The following PKNOX2 variants were observed in gnomAD, a reference collection of about 807,000 sequenced individuals.
PKNOX2 encodes homeobox protein PKNOX2.
A neutral mutation model predicts 53.1 loss-of-function variants in PKNOX2; 14 were observed. That is an observed-to-expected ratio of 0.26 (90% CI 0.17 to 0.41). The LOEUF is 0.41. PKNOX2 is among the 10% of genes least tolerant of loss of function. The probability of loss-of-function intolerance (pLI) is 1.00; values close to 1 mark genes in which losing one functional copy is unlikely to be tolerated. For missense variants in PKNOX2, 496 were observed against 602.8 expected (o/e 0.82, Z 1.85); for synonymous variants, 257 against 242.8 (o/e 1.06, Z -0.54).
intron 2 of PKNOX2, among the ~76,000 whole-genome samples, chr11:125,283,976 G>C (rs1394184056): frequency 6.6e-6 from 1 of 152,206 alleles, no homozygotes; most frequent in Non-Finnish European, 1.5e-5. Context: ...AAGATCATTG[G>C]TTCTGAGAGT....
intron 3 of PKNOX2, among the ~76,000 whole-genome samples, chr11:125,344,054 G>A (rs903681256): frequency 1.3e-5 from 2 of 152,152 alleles, no homozygotes; most frequent in Non-Finnish European, 1.5e-5. Context: ...TGGACCCAGT[G>A]CTGGGGCCTG....
intron 10 of PKNOX2, among the ~76,000 whole-genome samples, chr11:125,417,628 C>G (rs11821849): frequency 0.022 from 3,368 of 152,138 alleles, 87 homozygotes; most frequent in African/African-American, 0.037. Context: ...TCTTACCCAC[C>G]ACTTTGACCC....
intron 7 of PKNOX2, among the ~76,000 whole-genome samples, chr11:125,404,596 C>G (rs78170208): frequency 1.3e-5 from 2 of 151,914 alleles, no homozygotes; most frequent in African/African-American, 4.8e-5. Flanking sequence ...GGCACATTTG[C>G]GCGGGCACAC....
intron 1 of PKNOX2, among the ~76,000 whole-genome samples, chr11:125,179,295 A>G (rs1026123011): frequency 6.6e-6 from 1 of 152,210 alleles, no homozygotes; most frequent in African/African-American, 2.4e-5. Context: ...TTTAAAAATC[A>G]CACGAATAAA....
intron 2 of PKNOX2, among the ~76,000 whole-genome samples, chr11:125,260,672 C>T (rs766561366): frequency 5.4e-4 from 82 of 152,272 alleles, no homozygotes; most frequent in African/African-American, 1.7e-3. Flanking sequence ...TGCAGGCTTT[C>T]GTGAGTTGCA....
intron 1 of PKNOX2, among the ~76,000 whole-genome samples, chr11:125,211,004 G>A (rs745754537): frequency 6.6e-6 from 1 of 152,148 alleles, no homozygotes; most frequent in African/African-American, 2.4e-5. Context: ...TTGAACGAAG[G>A]TTGTGTATGG....
chr11:125,428,974 T>C, intron 10 of PKNOX2, 38 bp from the exon 11 acceptor site: 1 of 1,565,094 alleles, frequency 6.4e-7, no homozygotes, highest in East Asian at 2.2e-5. Flanking sequence ...CAGATCAGCA[T>C]ATGCCCAGCC....
chr11:125,245,647 C>T (rs989377341), intron 2 of PKNOX2, among the ~76,000 whole-genome samples: 5 of 152,206 alleles, frequency 3.3e-5, no homozygotes, highest in Non-Finnish European at 5.9e-5. Context: ...TTCTGGGGAC[C>T]TATGATGGGT....
chr11:125,261,567 C>G (rs1273121079), intron 2 of PKNOX2, among the ~76,000 whole-genome samples: 1 of 152,238 alleles, frequency 6.6e-6, no homozygotes, highest in Non-Finnish European at 1.5e-5. Context: ...CACCACCACA[C>G]TCCCAGTGGT....
chr11:125,176,533 G>A (rs931744070), intron 1 of PKNOX2, among the ~76,000 whole-genome samples: 2 of 152,182 alleles, frequency 1.3e-5, no homozygotes, highest in African/African-American at 2.4e-5. Context: ...TACTGTGGGG[G>A]TCTGGGAGGA....
intron 1 of PKNOX2, among the ~76,000 whole-genome samples, chr11:125,199,119 G>A (rs1319193572): frequency 3.3e-5 from 5 of 152,132 alleles, no homozygotes; most frequent in African/African-American, 1.2e-4. Context: ...GGGATTCCTG[G>A]CTTGAGCCCC....
At chr11:125,263,464 GGC>G (rs1330574124) in intron 2 of PKNOX2, among the ~76,000 whole-genome samples, 1 of 152,224 alleles carries the variant, frequency 6.6e-6, no homozygotes, top group Non-Finnish European at 1.5e-5. Context: ...TCCAGCTGCT[GGC>G]ATCCCTGCTG....
In PKNOX2 at chr11:125,286,174, G is replaced by A. The variant is rs544102972; in HGVS notation, c.-129-45645G>A. Among the ~76,000 whole-genome samples the A allele has an allele frequency of 2.6e-5, 4 of 152,280 alleles. No individual in the cohort carries two copies. In the South Asian group the frequency reaches 8.3e-4, roughly 32 times the overall value. The stretch of plus-strand genomic sequence containing the variant: ...TACTTGTGGATGCACGGGAAGAAAG[G>A]AATGGGAAAAAAACAGATGTGGGGC... On this transcript the variant is annotated intron_variant, in intron 2 of 12. Transcript: ENST00000298282.
chr11:125,266,838 A>T (rs1247880033), intron 2 of PKNOX2: 1 of 152,220 alleles, frequency 6.6e-6, no homozygotes, highest in Non-Finnish European at 1.5e-5. Flanking sequence ...TTCTAAAGTC[A>T]TTTTACTTAG....
intron 5 of PKNOX2, among the ~76,000 whole-genome samples, chr11:125,380,168 G>A (rs1953126519): frequency 1.3e-5 from 2 of 152,236 alleles, no homozygotes; most frequent in African/African-American, 4.8e-5. Context: ...CCAGGCGGAG[G>A]CGCAGAGCTG....
intron 5 of PKNOX2, among the ~76,000 whole-genome samples, chr11:125,379,099 C>T (rs1011435194): frequency 2.0e-5 from 3 of 146,792 alleles, no homozygotes; most frequent in African/African-American, 2.5e-5. Context: ...CTCAATCTGT[C>T]GCCCAGGCTG....
chr11:125,430,260 A>T (rs1439595464), intron 12 of PKNOX2, 119 bp downstream of exon 12: 1 of 1,208,474 alleles, frequency 8.3e-7, no homozygotes. Context: ...CATCGCTGCC[A>T]TGCCACAGTG....
At chr11:125,341,006 C>T (rs1310629809) in intron 3 of PKNOX2, among the ~76,000 whole-genome samples, 114 of 137,932 alleles carry the variant, frequency 8.3e-4, no homozygotes, top group Middle Eastern at 4.8e-3. Flanking sequence ...GCCAAGATCA[C>T]ACCACTGCAC....
intron 6 of PKNOX2, among the ~76,000 whole-genome samples, chr11:125,389,478 C>T (rs369556248): frequency 1.6e-4 from 25 of 152,170 alleles, no homozygotes; most frequent in Non-Finnish European, 3.4e-4. Context: ...AGCTGCAATG[C>T]CCCTGGCTGG....
Sources: gnomAD v4.1 joint callset for allele counts (sites outside exome capture counted in the v4.1 genomes callset) on GRCh38, gnomAD v4.1.1 for gene constraint, MANE v1.5 for transcripts, NCBI Gene and HGNC (gene_info 2026-07-23, HGNC 2026-07-21) for gene names.